UST: variants seen among roughly 807,000 people sequenced by gnomAD.
UST encodes uronyl 2-sulfotransferase.
Under a neutral mutation model 45.6 loss-of-function variants are expected in UST, and 21 were observed. That is an observed-to-expected ratio of 0.46 (90% CI 0.33 to 0.66). The LOEUF is 0.66. UST is among the 30% of genes least tolerant of loss of function. The pLI is 0.02. For missense variants in UST, 463 were observed against 512.4 expected, an observed-to-expected ratio of 0.90 and a Z score of 0.93; for synonymous variants, 215 against 200.6, an observed-to-expected ratio of 1.07 and a Z score of -0.61.
intron 7 of UST, among the ~76,000 whole-genome samples, chr6:149,025,232 G>T (rs543782966): frequency 1.3e-5 from 2 of 152,250 alleles, no homozygotes; most frequent in Admixed American, 6.5e-5. Flanking sequence ...CTTTTCTTCT[G>T]TTCCTTTCTT....
At chr6:148,977,801 G>A (rs184574196) in intron 5 of UST, among the ~76,000 whole-genome samples, 64 of 150,034 alleles carry the variant, frequency 4.3e-4, no homozygotes, top group South Asian at 1.1e-3. Context: ...TCAGCCGTCC[G>A]CTACCCCCAC....
At chr6:148,867,698 C>T (rs1402213565) in intron 1 of UST, among the ~76,000 whole-genome samples, 10 of 152,108 alleles carry the variant, frequency 6.6e-5, no homozygotes, top group African/African-American at 1.4e-4. Flanking sequence ...TTTCACCTTC[C>T]GCCCTGATTG....
intron 1 of UST, among the ~76,000 whole-genome samples, chr6:148,773,482 G>C (rs1478625509): frequency 6.6e-6 from 1 of 151,546 alleles, no homozygotes; most frequent in African/African-American, 2.4e-5. Flanking sequence ...AAAAGTGATT[G>C]TTTTTCATGT....
chr6:148,933,553 T>C (rs992693503), intron 2 of UST, among the ~76,000 whole-genome samples: 1 of 151,844 alleles, frequency 6.6e-6, no homozygotes, highest in Non-Finnish European at 1.5e-5. Flanking sequence ...CATTTGAGAG[T>C]TGTGGATGGA....
At chr6:148,864,980 A>G (rs935958094) in intron 1 of UST, among the ~76,000 whole-genome samples, 7 of 152,220 alleles carry the variant, frequency 4.6e-5, no homozygotes, top group Admixed American at 4.6e-4. Context: ...AAGATTTAAA[A>G]TCTAGGTAAG....
At chr6:148,852,867 C>T (rs1778131775) in intron 1 of UST, among the ~76,000 whole-genome samples, 1 of 152,180 alleles carries the variant, frequency 6.6e-6, no homozygotes, top group African/African-American at 2.4e-5. Flanking sequence ...CAGAACCCCC[C>T]AACCCCCATG....
At chr6:148,757,053 A>G (rs563003521) in intron 1 of UST, among the ~76,000 whole-genome samples, 172 of 152,316 alleles carry the variant, frequency 1.1e-3, no homozygotes, top group African/African-American at 3.6e-3. Flanking sequence ...TCTAGAGTGT[A>G]GTGGTGCCAT....
At chr6:148,938,488 A>G (rs1780060957) in intron 2 of UST, among the ~76,000 whole-genome samples, 1 of 152,224 alleles carries the variant, frequency 6.6e-6, no homozygotes, top group South Asian at 2.1e-4. Flanking sequence ...ATATTTCAGG[A>G]AAATTAAATT....
intron 1 of UST, among the ~76,000 whole-genome samples, chr6:148,835,660 C>A (rs1337398663): frequency 6.6e-6 from 1 of 152,180 alleles, no homozygotes; most frequent in East Asian, 1.9e-4. Flanking sequence ...CCAAGCCAGG[C>A]ATCCCTGGCA....
At chr6:148,922,773 T>G (rs6921062) in intron 2 of UST, among the ~76,000 whole-genome samples, 9,276 of 149,596 alleles carry the variant, frequency 0.062, 842 homozygotes, top group African/African-American at 0.2. Context: ...ATACCTGGCC[T>G]TCTTTTATTA....
intron 4 of UST, among the ~76,000 whole-genome samples, chr6:148,961,921 G>T (rs1209977564): frequency 6.6e-6 from 1 of 152,158 alleles, no homozygotes; most frequent in African/African-American, 2.4e-5. Flanking sequence ...CAGGCACTAG[G>T]ACATGTGCTA....
At chr6:148,840,627 T>C (rs978310027) in intron 1 of UST, among the ~76,000 whole-genome samples, 1 of 152,138 alleles carries the variant, frequency 6.6e-6, no homozygotes, top group Admixed American at 6.5e-5. Context: ...GCCCTCCGCA[T>C]CCACAAGTTT....
intron 1 of UST, among the ~76,000 whole-genome samples, chr6:148,776,719 A>T (rs1451255771): frequency 6.6e-6 from 1 of 152,130 alleles, no homozygotes; most frequent in African/African-American, 2.4e-5. Context: ...CATTTGTTGG[A>T]AATCTCTTTA....
chr6:148,916,348 C>T (rs9377176), intron 2 of UST, among the ~76,000 whole-genome samples: 54,910 of 151,926 alleles, frequency 0.36, 10,271 homozygotes, highest in South Asian at 0.54. Context: ...ATAGATCCAC[C>T]GTAACACATA....
rs977662537 is a variant in UST, at chr6:148,866,836, A to G, written c.248-20150A>G. The stretch of plus-strand genomic sequence containing the variant: ...CCTCCATTGCTGAGTGATCTCTTCA[A>G]TTATTCTCTGTTACATGTACCTTCC... On this transcript the variant is annotated intron_variant, in intron 1 of 7. Transcript: ENST00000367463. Among the ~76,000 whole-genome samples, 9 of 152,066 alleles carry G rather than the reference A, an allele frequency of 5.9e-5. No individual in the cohort carries two copies. In the East Asian group the frequency reaches 9.6e-4, roughly 16 times the overall value.
Position 148,934,515 on chromosome 6 carries a change from A to T in UST, c.292-6764A>T, listed in dbSNP as rs1230727749. Among the ~76,000 whole-genome samples, 1 of 152,198 alleles carries T rather than the reference A, an allele frequency of 6.6e-6. No individual in the cohort carries two copies. ...TCTCTAACTAGCCTGGGAGAGTGTG[A>T]GCATACTTATGAGGTTAATTATGAC... On this transcript the variant is annotated intron_variant, in intron 2 of 7. Transcript: ENST00000367463. This position sits in a 1 kb window ranked among gnomAD's most constrained non-coding sequence, Gnocchi z 4.1.
chr6:148,875,536 C>A (rs1778631795), intron 1 of UST, among the ~76,000 whole-genome samples: 1 of 152,304 alleles, frequency 6.6e-6, no homozygotes, highest in African/African-American at 2.4e-5. Flanking sequence ...GGTGCGGTGG[C>A]TCACGCCTGT....
chr6:148,848,337 G>A (rs149719461), intron 1 of UST, among the ~76,000 whole-genome samples: 190 of 152,122 alleles, frequency 1.2e-3, no homozygotes, highest in African/African-American at 4.2e-3. Context: ...GTTTTTTCCC[G>A]CAAACTTGAA....
rs61564934 is a variant in UST, at chr6:148,829,140, G to GGGATGGAT, written c.248-57801_248-57794dup. Among the ~76,000 whole-genome samples the GGGATGGAT allele has an allele frequency of 3.2e-3, 485 of 149,370 alleles. 2 individuals are homozygous for GGGATGGAT. The highest frequency in any genetic ancestry group is 4.7e-3 in the Non-Finnish European group (320 of 67,390). On this transcript the variant is annotated intron_variant, in intron 1 of 7. Coordinates refer to ENST00000367463, the MANE Select transcript of UST (RefSeq NM_005715.3). Reference sequence around the variant, plus strand: ...AAGTGGACATTTCAAGTTAAGCCCTGGGATGGATGGATGGATGGATGGATG... The same window carrying GGGATGGAT: ...AAGTGGACATTTCAAGTTAAGCCCTGGGATGGATGGATGGATGGATGGATGGATGGATG...
Sources: gnomAD v4.1 joint callset for allele counts (sites outside exome capture counted in the v4.1 genomes callset) on GRCh38, gnomAD v4.1.1 for gene constraint, Gnocchi (gnomAD v3.1) non-coding constraint, MANE v1.5 for transcripts, NCBI Gene and HGNC (gene_info 2026-07-23, HGNC 2026-07-21) for gene names.